TXNL1: variants seen among roughly 807,000 people sequenced by gnomAD.
The protein encoded by TXNL1 is thioredoxin like 1.
A neutral mutation model predicts 35.5 loss-of-function variants in TXNL1; 14 were observed. The ratio of observed to expected loss-of-function variants is 0.39; its 90% CI spans 0.26 to 0.62. TXNL1 has a LOEUF of 0.62. TXNL1 is among the 20% of genes least tolerant of loss of function. The pLI, the probability that TXNL1 is intolerant of heterozygous loss-of-function variation, is 0.47. For missense variants in TXNL1, 263 were observed against 349.7 expected (o/e 0.75, Z 1.98); for synonymous variants, 110 against 115.5 (o/e 0.95, Z 0.31).
Position 56,633,661 on chromosome 18 carries a change from T to C in TXNL1, c.98+4682A>G, listed in dbSNP as rs557706241. ...AAAAATCAGTGCATGGTAAACATTA[T>C]CTACAAAAGTGATACATTCATCAAT... On this transcript the variant is annotated intron_variant, in intron 1 of 7. Coordinates refer to ENST00000217515, the MANE Select transcript of TXNL1 (RefSeq NM_004786.3). Among the ~76,000 whole-genome samples the C allele has an allele frequency of 4.7e-5, 7 of 149,132 alleles. No homozygotes were observed. In the South Asian group the frequency reaches 1.5e-3, roughly 32 times the overall value.
At chr18:56,623,631 C>T (rs908802492) in intron 3 of TXNL1, among the ~76,000 whole-genome samples, 3 of 152,048 alleles carry the variant, frequency 2.0e-5, no homozygotes, top group African/African-American at 7.2e-5. Context: ...TTGAATAGCT[C>T]TCAAATTAAA....
chr18:56,622,588 C>T (rs1439616896), intron 3 of TXNL1, among the ~76,000 whole-genome samples: 1 of 152,092 alleles, frequency 6.6e-6, no homozygotes, highest in East Asian at 1.9e-4. Flanking sequence ...ATATTTTATC[C>T]ATAACATTTG....
chr18:56,605,514 C>T (rs571955189), intron 7 of TXNL1, among the ~76,000 whole-genome samples: 1 of 90,150 alleles, frequency 1.1e-5, no homozygotes, highest in South Asian at 4.2e-4. Context: ...AAGCAGAAGC[C>T]CCTATAATTT....
chr18:56,635,280 G>A (rs750724788), intron 1 of TXNL1, among the ~76,000 whole-genome samples: 8 of 151,978 alleles, frequency 5.3e-5, no homozygotes, highest in Admixed American at 1.3e-4. Context: ...AAAAAGAAAA[G>A]CAAGCAAGTA....
intron 6 of TXNL1, among the ~76,000 whole-genome samples, chr18:56,614,195 CATATA>C (rs1443125819): frequency 5.3e-5 from 8 of 152,122 alleles, no homozygotes; most frequent in African/African-American, 1.9e-4. Flanking sequence ...TTACCATATA[CATATA>C]AAATAACTGA....
chr18:56,622,601 C>A (rs559776208), intron 3 of TXNL1, among the ~76,000 whole-genome samples: 1 of 152,138 alleles, frequency 6.6e-6, no homozygotes, highest in South Asian at 2.1e-4. Context: ...AACATTTGCA[C>A]AAAAACTAAA....
intron 2 of TXNL1, 30 bp downstream of exon 2, chr18:56,626,331 T>C: frequency 6.3e-7 from 1 of 1,579,694 alleles, no homozygotes; most frequent in South Asian, 1.2e-5. Context: ...CAAAAGTAAA[T>C]TAAAAAGAAA....
chr18:56,625,481 G>A (rs959199509), intron 2 of TXNL1, among the ~76,000 whole-genome samples: 1 of 152,002 alleles, frequency 6.6e-6, no homozygotes, highest in Non-Finnish European at 1.5e-5. Context: ...ATATGAATTT[G>A]TCACAGTTAA....
At chr18:56,607,554 T>C (rs7233397) in intron 7 of TXNL1, among the ~76,000 whole-genome samples, 1,992 of 152,138 alleles carry the variant, frequency 0.013, 42 homozygotes, top group African/African-American at 0.046. Context: ...GATGGGGTAA[T>C]ATATCCCGAT....
At chr18:56,616,107 G>A in intron 5 of TXNL1, 138 bp downstream of exon 5, 1 of 672,656 alleles carries the variant, frequency 1.5e-6, no homozygotes, top group South Asian at 2.1e-5. Context: ...ACTCCAGCCT[G>A]GGCAATAGCA....
chr18:56,609,577 A>T (rs1161458213), intron 7 of TXNL1: 1 of 152,188 alleles, frequency 6.6e-6, no homozygotes, highest in Admixed American at 6.5e-5. Flanking sequence ...AAATTAATGA[A>T]TGATATGAGA....
chr18:56,615,612 CA>C (rs1325032380), intron 5 of TXNL1, among the ~76,000 whole-genome samples: 2 of 151,986 alleles, frequency 1.3e-5, no homozygotes, highest in Non-Finnish European at 2.9e-5. Context: ...TCAGTTTCCT[CA>C]AAATAAAAGG....
intron 1 of TXNL1, among the ~76,000 whole-genome samples, chr18:56,633,446 C>CA (rs57445949): frequency 2.7e-3 from 203 of 74,342 alleles, no homozygotes; most frequent in African/African-American, 9.8e-3. Context: ...GACTCTGTCT[C>CA]AAAAAAAAAA....
intron 1 of TXNL1, 24 bp from the exon 2 acceptor site, chr18:56,626,481 A>G: frequency 6.4e-7 from 1 of 1,563,910 alleles, no homozygotes; most frequent in East Asian, 2.2e-5. Flanking sequence ...AAAATTAAGT[A>G]AAATAACACT....
chr18:56,619,489 G>A (rs962224257), intron 3 of TXNL1, among the ~76,000 whole-genome samples: 1 of 124,950 alleles, frequency 8.0e-6, no homozygotes, highest in Non-Finnish European at 1.6e-5. Flanking sequence ...AGTGAGCCGA[G>A]ATCACACCAC....
intron 1 of TXNL1, among the ~76,000 whole-genome samples, chr18:56,629,973 TG>T (rs1350862774): frequency 6.6e-6 from 1 of 151,710 alleles, no homozygotes; most frequent in Non-Finnish European, 1.5e-5. Context: ...CCAAGGCAGG[TG>T]GATCACTTTA....
At chr18:56,630,933 T>G (rs980862587) in intron 1 of TXNL1, among the ~76,000 whole-genome samples, 1 of 151,978 alleles carries the variant, frequency 6.6e-6, no homozygotes, top group Non-Finnish European at 1.5e-5. Context: ...CCAGGTTGAG[T>G]GCAGTGGCAT....
chr18:56,619,718 C>G (rs2024151096), intron 3 of TXNL1, among the ~76,000 whole-genome samples: 1 of 152,084 alleles, frequency 6.6e-6, no homozygotes, highest in Admixed American at 6.6e-5. Context: ...TCCCACACAT[C>G]AGAGTTGTGT....
At chr18:56,629,824 G>C (rs1450360267) in intron 1 of TXNL1, among the ~76,000 whole-genome samples, 2 of 152,134 alleles carry the variant, frequency 1.3e-5, no homozygotes, top group Non-Finnish European at 2.9e-5. Context: ...ACACCAAAAA[G>C]AGAGAATTTA....
Sources: gnomAD v4.1 joint callset for allele counts (sites outside exome capture counted in the v4.1 genomes callset) on GRCh38, gnomAD v4.1.1 for gene constraint, MANE v1.5 for transcripts, NCBI Gene and HGNC (gene_info 2026-07-23, HGNC 2026-07-21) for gene names.